Variants in NCOA7 observed in about 807,000 individuals in gnomAD.
NCOA7 encodes the protein 140 kDa estrogen receptor-associated protein.
In NCOA7, 45 loss-of-function variants were observed where a neutral mutation model predicts 104.3. That is an observed-to-expected ratio of 0.43 (90% confidence interval 0.34 to 0.55). The LOEUF (loss-of-function observed/expected upper bound fraction) is 0.55, where lower values mean the gene tolerates loss of function less well. Ranked by LOEUF, NCOA7 falls within the 20% of genes least tolerant of loss-of-function variation. The pLI is 0.02. For missense variants in NCOA7, 1,041 were observed against 1,119.7 expected, an observed-to-expected ratio of 0.93 and a Z score of 1.00; for synonymous variants, 398 against 402.3, an observed-to-expected ratio of 0.99 and a Z score of 0.13.
At chr6:125,923,562 C>T (rs1277304530) in intron 13 of NCOA7, among the ~76,000 whole-genome samples, 1 of 152,216 alleles carries the variant, frequency 6.6e-6, no homozygotes, top group East Asian at 1.9e-4. Flanking sequence ...TTCACATCTG[C>T]TCATTGCTCA....
In NCOA7 at chr6:125,928,922, GA is replaced by G. The variant is rs929201299; in HGVS notation, c.*154del. The G allele has an allele frequency of 6.1e-6, 5 of 825,700 alleles. No homozygotes were observed. The highest frequency in any genetic ancestry group is 1.8e-5 in the African/African-American group (1 of 56,752). The allele number at this position is 825,700 out of a possible 1,614,324, so 51.1% of individuals were successfully genotyped here. ...CATCTCAGAGCATGATCACATTGCA[GA>G]AAGATTCTGGAAGGTCCATGTAGAG... On this transcript the variant is annotated 3_prime_UTR_variant, in exon 16 of 16. Coordinates refer to ENST00000392477, the MANE Select transcript of NCOA7 (RefSeq NM_181782.5).
chr6:125,877,536 A>AG (rs201301443), intron 4 of NCOA7, among the ~76,000 whole-genome samples: 1,864 of 152,290 alleles, frequency 0.012, 33 homozygotes, highest in African/African-American at 0.043. Flanking sequence ...TTTTCTGGGT[A>AG]GAGCTGTTTT....
At position 125,889,083 on chromosome 6, in the gene NCOA7, G is replaced by A. The variant is rs760856091; in HGVS notation, c.1029G>A (p.Ser343=). 18 of 1,613,892 alleles carry A rather than the reference G, an allele frequency of 1.1e-5. No homozygotes were observed. The East Asian group carries it at 1.6e-4, about 14-fold the overall frequency. ...AGAATGGAGAGAAAATTATGACTTC[G>A]GATTCCAGACCAATAGTACCTTTGG... The part of the protein sequence containing the change: ...RQQNGEKIMT[S]DSRPIVPLEK... Residue 343 remains serine (S), a synonymous_variant, in exon 9 of 16, where the codon TCG becomes TCA. Transcript: ENST00000392477.
chr6:125,831,995 A>G (rs1476236506), intron 2 of NCOA7, among the ~76,000 whole-genome samples: 1 of 152,164 alleles, frequency 6.6e-6, no homozygotes, highest in Non-Finnish European at 1.5e-5. Context: ...CCACAGACTC[A>G]TTTGTGATGG....
chr6:125,828,723 C>T (rs1057061724), intron 2 of NCOA7, among the ~76,000 whole-genome samples: 7 of 152,138 alleles, frequency 4.6e-5, no homozygotes, highest in African/African-American at 1.7e-4. Flanking sequence ...ATACATGCAC[C>T]TAGGCTGGCT....
intron 1 of NCOA7, chr6:125,797,789 CCGG>C (rs1329278902): frequency 6.6e-6 from 1 of 152,246 alleles, no homozygotes; most frequent in Non-Finnish European, 1.5e-5. Context: ...TCCCTAGTTT[CCGG>C]TGATTTCCCC....
chr6:125,841,155 G>A (rs1366704726), intron 2 of NCOA7, among the ~76,000 whole-genome samples: 1 of 151,926 alleles, frequency 6.6e-6, no homozygotes, highest in Non-Finnish European at 1.5e-5. Flanking sequence ...TTCCCAAAGT[G>A]CTGGGATTAC....
chr6:125,781,349 A>G (rs1774219052), exon 1 of NCOA7: 2 of 152,248 alleles, frequency 1.3e-5, no homozygotes, highest in African/African-American at 4.8e-5. Context: ...ACTTGCAGTC[A>G]TCATCCATTA....
chr6:125,919,925 A>C (rs1583551637), intron 11 of NCOA7, among the ~76,000 whole-genome samples: 1 of 152,184 alleles, frequency 6.6e-6, no homozygotes, highest in Admixed American at 6.5e-5. Flanking sequence ...CTATAATATA[A>C]AATCATTAAT....
intron 15 of NCOA7, 68 bp downstream of exon 15, chr6:125,928,315 A>T: frequency 7.1e-7 from 1 of 1,404,222 alleles, no homozygotes; most frequent in South Asian, 1.2e-5. Context: ...GTCTGTTTTG[A>T]CCTACGTAGT....
At position 125,928,809 on chromosome 6, in the gene NCOA7, G is replaced by A. The variant is rs774970084; in HGVS notation, c.*38G>A. 6.3e-7 allele frequency: 1 copy of A among 1,595,888 alleles called. No homozygotes were observed. Among genetic ancestry groups the A allele is most frequent in the East Asian group, 2.2e-5 (1 of 44,568 alleles). ...CTTAAAATATAACATTAAAAAGACTGGGTTCGATCAGCCCTCCTAAAGCTG... is the reference window on the plus strand; with the variant it reads ...CTTAAAATATAACATTAAAAAGACTAGGTTCGATCAGCCCTCCTAAAGCTG... On this transcript the variant is annotated 3_prime_UTR_variant, in exon 16 of 16. Coordinates refer to ENST00000392477, the MANE Select transcript of NCOA7 (RefSeq NM_181782.5).
At chr6:125,912,548 C>G (rs2128686341) in intron 10 of NCOA7, among the ~76,000 whole-genome samples, 1 of 152,188 alleles carries the variant, frequency 6.6e-6, no homozygotes, top group South Asian at 2.1e-4. Context: ...CTCTGGGGGC[C>G]CACGGTATTT....
intron 1 of NCOA7, among the ~76,000 whole-genome samples, chr6:125,808,200 C>T: frequency 6.6e-6 from 1 of 151,760 alleles, no homozygotes; most frequent in Non-Finnish European, 1.5e-5. Context: ...CATCCTCATT[C>T]TGCCTGATGA....
intron 2 of NCOA7, among the ~76,000 whole-genome samples, chr6:125,845,110 G>A (rs750807895): frequency 2.0e-5 from 3 of 152,138 alleles, no homozygotes; most frequent in East Asian, 1.9e-4. Flanking sequence ...GACTGAGCTC[G>A]TTCCATTGTC....
In NCOA7 at chr6:125,915,468, C is replaced by G; in HGVS notation, c.2232C>G (p.Thr744=). 2 of 1,613,670 alleles carry G rather than the reference C, an allele frequency of 1.2e-6. No individual in the cohort carries two copies. The highest frequency in any genetic ancestry group is 1.7e-6 in the Non-Finnish European group (2 of 1,179,704). The change falls in exon 11 of 16, where the codon ACC becomes ACG. Residue 744 remains threonine (T), a synonymous_variant. Transcript: ENST00000392477. The part of the protein sequence containing the change: ...MIDNFFSEPT[T]KSWEIITVEE... ...ACAACTTCTTCAGTGAGCCAACAAC[C>G]AAGAGCTGGGAGGTGAGCACTTGGG...
chr6:125,825,749 A>G (rs1471383563), intron 2 of NCOA7, among the ~76,000 whole-genome samples: 4 of 151,854 alleles, frequency 2.6e-5, no homozygotes, highest in African/African-American at 9.7e-5. Flanking sequence ...TTTGTCTTTT[A>G]AGGGGGATGG....
chr6:125,906,868 A>C (rs1786057860), intron 10 of NCOA7, among the ~76,000 whole-genome samples: 1 of 152,194 alleles, frequency 6.6e-6, no homozygotes, highest in South Asian at 2.1e-4. Flanking sequence ...TAATTAGGTT[A>C]AATAAACAAG....
intron 11 of NCOA7, among the ~76,000 whole-genome samples, chr6:125,920,701 G>A (rs927227035): frequency 1.3e-5 from 2 of 152,104 alleles, no homozygotes; most frequent in African/African-American, 4.8e-5. Flanking sequence ...GAGCCACCAC[G>A]TCTAGCCTTG....
chr6:125,837,480 T>C (rs1421906122), intron 2 of NCOA7, among the ~76,000 whole-genome samples: 1 of 152,192 alleles, frequency 6.6e-6, no homozygotes, highest in African/African-American at 2.4e-5. Flanking sequence ...AAATCCTCTT[T>C]CTCCATCTCT....
Sources: gnomAD v4.1 joint callset for allele counts (sites outside exome capture counted in the v4.1 genomes callset) on GRCh38, gnomAD v4.1.1 for gene constraint, MANE v1.5 for transcripts, NCBI Gene and HGNC (gene_info 2026-07-23, HGNC 2026-07-21) for gene names.